RAD51B: variants seen among roughly 807,000 people sequenced by gnomAD.
RAD51B encodes RAD51 paralog B, also known as DNA repair protein RAD51 homolog 2.
A neutral mutation model predicts 42.2 loss-of-function variants in RAD51B; 38 were observed. The ratio of observed to expected loss-of-function variants is 0.90; its 90% confidence interval spans 0.70 to 1.18. The LOEUF is 1.18. Ranked by LOEUF, RAD51B falls within the 50% of genes most tolerant of loss-of-function variation. The pLI is 0.00. For missense variants in RAD51B, 373 were observed against 400.7 expected, an observed-to-expected ratio of 0.93 and a Z score of 0.59; for synonymous variants, 154 against 145.2, an observed-to-expected ratio of 1.06 and a Z score of -0.43.
chr14:68,576,489 G>T (rs79902421), intron 10 of RAD51B, among the ~76,000 whole-genome samples: 28,940 of 152,160 alleles, frequency 0.19, 3,584 homozygotes, highest in Non-Finnish European at 0.28. Flanking sequence ...TAAAACCCTT[G>T]TTCTAGGGAA....
At chr14:68,338,551 C>T (rs2082504533) in intron 8 of RAD51B, among the ~76,000 whole-genome samples, 1 of 152,168 alleles carries the variant, frequency 6.6e-6, no homozygotes, top group African/African-American at 2.4e-5. Flanking sequence ...CTTAATCCAA[C>T]CAGACAACAT....
chr14:67,848,722 G>C (rs552140722), intron 4 of RAD51B, among the ~76,000 whole-genome samples: 1 of 152,106 alleles, frequency 6.6e-6, no homozygotes, highest in Admixed American at 6.5e-5. Flanking sequence ...AGCAGGTGTC[G>C]TTCTTACCAT....
chr14:68,442,695 T>G (rs1251460707), intron 9 of RAD51B, among the ~76,000 whole-genome samples: 1 of 152,028 alleles, frequency 6.6e-6, no homozygotes, highest in Non-Finnish European at 1.5e-5. Flanking sequence ...CGCCTCGGCC[T>G]CCCAAAGTGC....
downstream of RAD51B, among the ~76,000 whole-genome samples, chr14:68,478,982 A>G (rs2140258256): frequency 6.6e-6 from 1 of 152,312 alleles, no homozygotes; most frequent in East Asian, 1.9e-4. Context: ...GCAGAATCAC[A>G]TCCAAGCCCC....
intron 7 of RAD51B, among the ~76,000 whole-genome samples, chr14:68,002,020 T>A (rs558757272): frequency 3.9e-5 from 6 of 152,324 alleles, no homozygotes; most frequent in Non-Finnish European, 2.9e-5. Context: ...TATGTATGTA[T>A]CTTTATAACA....
chr14:67,828,343 G>GT (rs912781383), intron 3 of RAD51B, among the ~76,000 whole-genome samples: 22 of 147,552 alleles, frequency 1.5e-4, no homozygotes, highest in East Asian at 3.9e-4. Context: ...GGGTTGTTTG[G>GT]TTTTTTTTTT....
At chr14:68,176,020 A>C (rs920375115) in intron 7 of RAD51B, among the ~76,000 whole-genome samples, 5 of 152,036 alleles carry the variant, frequency 3.3e-5, no homozygotes, top group Admixed American at 1.3e-4. Flanking sequence ...TGCTTGCTGC[A>C]CTCATAAATA....
At chr14:68,103,499 A>G (rs750891305) in intron 7 of RAD51B, among the ~76,000 whole-genome samples, 2 of 152,234 alleles carry the variant, frequency 1.3e-5, no homozygotes, top group Non-Finnish European at 2.9e-5. Context: ...GTAATAGATT[A>G]TTAGATGCCA....
chr14:67,935,925 A>T (rs1026725824), intron 7 of RAD51B, among the ~76,000 whole-genome samples: 10 of 152,186 alleles, frequency 6.6e-5, no homozygotes, highest in Non-Finnish European at 1.3e-4. Context: ...GGATAATGTC[A>T]GTAGGCCAAC....
intron 7 of RAD51B, among the ~76,000 whole-genome samples, chr14:67,932,289 G>A (rs2044767397): frequency 3.9e-5 from 6 of 152,204 alleles, no homozygotes; most frequent in Admixed American, 3.9e-4. Flanking sequence ...GCATTCAGTT[G>A]TGTAGTCTCT....
intron 7 of RAD51B, among the ~76,000 whole-genome samples, chr14:67,924,394 G>T (rs960791004): frequency 3.3e-5 from 5 of 152,144 alleles, no homozygotes; most frequent in African/African-American, 1.2e-4. Context: ...ATTTTGACCT[G>T]ATTTTTGTAT....
At chr14:68,462,600 A>G (rs530509983) in intron 9 of RAD51B, among the ~76,000 whole-genome samples, 104 of 152,312 alleles carry the variant, frequency 6.8e-4, no homozygotes, top group Non-Finnish European at 1.0e-3. Flanking sequence ...GATGTTGCCC[A>G]GGCTGGTCTC....
At chr14:68,552,603 G>T (rs150930877) in intron 10 of RAD51B, among the ~76,000 whole-genome samples, 36 of 152,218 alleles carry the variant, frequency 2.4e-4, no homozygotes, top group African/African-American at 7.2e-4. Context: ...CCCATGAAAG[G>T]AGAAGCAGAA....
chr14:68,099,390 C>A (rs1298697737), intron 7 of RAD51B, among the ~76,000 whole-genome samples: 2 of 152,188 alleles, frequency 1.3e-5, no homozygotes, highest in African/African-American at 4.8e-5. Flanking sequence ...ATTTCCTTTT[C>A]CCAGTCTTCC....
At position 68,220,899 on chromosome 14, in the gene RAD51B, G is replaced by A. The variant is rs188555353; in HGVS notation, c.757-70985G>A. On this transcript the variant is annotated intron_variant, in intron 7 of 10. Transcript: ENST00000471583. ...TGTAATCCCAGCACTTTGGGAGGCC[G>A]AGGCAGGCAGATCACGAGGTCAGGA... Among the ~76,000 whole-genome samples the A allele has an allele frequency of 1.6e-4, 25 of 152,274 alleles. 1 individual carries two copies. In the East Asian group the frequency reaches 4.4e-3, roughly 27 times the overall value.
At chr14:68,156,845 A>T (rs1045811229) in intron 7 of RAD51B, among the ~76,000 whole-genome samples, 1 of 152,052 alleles carries the variant, frequency 6.6e-6, no homozygotes, top group Non-Finnish European at 1.5e-5. Context: ...TTTGTTTGGT[A>T]TTATGGGTCA....
rs73272241 is a variant in RAD51B, at chr14:68,312,797, G to A, written c.853+20817G>A. Among the ~76,000 whole-genome samples, 1,270 of 152,264 alleles carry A rather than the reference G, an allele frequency of 8.3e-3. 16 individuals are homozygous for A. Among genetic ancestry groups the A allele is most frequent in the African/African-American group, 0.03 (1,228 of 41,536 alleles). On this transcript the variant is annotated intron_variant, in intron 8 of 10. Transcript: ENST00000471583. ...ATAAAATGTTGCTAAGAGCAATTTC[G>A]TTAGTATTGAAAATAGCAGGAAAGA...
At chr14:68,131,680 A>G (rs1282987111) in intron 7 of RAD51B, among the ~76,000 whole-genome samples, 2 of 152,192 alleles carry the variant, frequency 1.3e-5, no homozygotes, top group African/African-American at 4.8e-5. Context: ...TAGGTGACAA[A>G]GCGAAACTCT....
intron 10 of RAD51B, among the ~76,000 whole-genome samples, chr14:68,621,496 A>G (rs997558846): frequency 6.6e-6 from 1 of 152,224 alleles, no homozygotes; most frequent in Admixed American, 6.5e-5. Flanking sequence ...ATTCAAAACT[A>G]AAAAGGGCAG....
Sources: allele counts gnomAD v4.1 joint callset (sites outside exome capture counted in the v4.1 genomes callset), GRCh38; gene constraint gnomAD v4.1.1; transcripts MANE v1.5; gene names NCBI Gene and HGNC (gene_info 2026-07-23, HGNC 2026-07-21).